The following B4GALT5 variants were observed in gnomAD, a reference collection of about 807,000 sequenced individuals.
The protein encoded by B4GALT5 is UDP-Gal:beta-GlcNAc beta-1,4-galactosyltransferase 5.
In B4GALT5, 11 loss-of-function variants were observed where a neutral mutation model predicts 45.0. The ratio of observed to expected loss-of-function variants is 0.24; its 90% CI spans 0.15 to 0.40. B4GALT5 has a LOEUF of 0.40. B4GALT5 is among the 10% of genes least tolerant of loss of function. The pLI is 1.00. For missense variants in B4GALT5, 337 were observed against 500.2 expected (o/e 0.67, Z 3.11); for synonymous variants, 185 against 182.9 (o/e 1.01, Z -0.09).
intron 1 of B4GALT5, among the ~76,000 whole-genome samples, chr20:49,691,846 T>A (rs2085813975): frequency 6.6e-6 from 1 of 152,174 alleles, no homozygotes; most frequent in South Asian, 2.1e-4. Context: ...GTATTATTTT[T>A]AAAATCCAAA....
Position 49,634,168 on chromosome 20 carries a change from C to T in B4GALT5, c.*2144G>A, listed in dbSNP as rs1011171713. On this transcript the variant is annotated 3_prime_UTR_variant, in exon 9 of 9. Transcript: ENST00000371711. ...AATGCAATTTATTTTCTAAATACCA[C>T]TCTATTCTTCAAAAGAACAAAAACA... is the stretch of plus-strand genomic sequence containing the variant. The T allele has an allele frequency of 6.6e-6, 1 of 152,608 alleles. No individual in the cohort carries two copies. The highest frequency in any genetic ancestry group is 1.5e-5 in the Non-Finnish European group (1 of 68,046). 9.5% of individuals were successfully genotyped at this position (152,608 alleles called of 1,614,324 possible).
chr20:49,669,266 C>G (rs1333090140), intron 1 of B4GALT5, among the ~76,000 whole-genome samples: 1 of 152,150 alleles, frequency 6.6e-6, no homozygotes, highest in African/African-American at 2.4e-5. Flanking sequence ...ACTGATACAC[C>G]AACTTCTATC....
intron 1 of B4GALT5, among the ~76,000 whole-genome samples, chr20:49,704,142 T>C (rs2085874377): frequency 6.6e-6 from 1 of 152,170 alleles, no homozygotes; most frequent in African/African-American, 2.4e-5. Flanking sequence ...TGATCAGGAA[T>C]ACAATTTAGG....
chr20:49,640,141 C>T (rs2085570161), intron 6 of B4GALT5, among the ~76,000 whole-genome samples: 1 of 152,214 alleles, frequency 6.6e-6, no homozygotes, highest in Admixed American at 6.5e-5. Flanking sequence ...CCCTGCTCCT[C>T]CTATCCTCCT....
At position 49,647,039 on chromosome 20, in the gene B4GALT5, T is replaced by A; in HGVS notation, c.290A>T (p.Gln97Leu). The change falls in exon 3 of 9, where the codon CAA becomes CTA. Residue 97 changes from glutamine to leucine, a missense_variant. Physicochemically the swap from Gln to Leu is moderately radical, Grantham distance 113. Transcript: ENST00000371711. ...LDLNHSETFLQTTTFLPEDFT... is the reference protein window; with the variant it reads ...LDLNHSETFLLTTTFLPEDFT... ...GTCTTCAGGAAGAAATGTTGTAGTT[T>A]GCAGGAAGGTTTCACTGTGGTTCAA... is the stretch of plus-strand genomic sequence containing the variant. The A allele has an allele frequency of 6.2e-7, 1 of 1,614,004 alleles. No homozygotes were observed. The highest frequency in any genetic ancestry group is 8.5e-7 in the Non-Finnish European group (1 of 1,179,922).
chr20:49,703,618 G>A (rs1401715217), intron 1 of B4GALT5, among the ~76,000 whole-genome samples: 3 of 152,024 alleles, frequency 2.0e-5, no homozygotes, highest in East Asian at 3.8e-4. Context: ...GCCGGGCATG[G>A]TGGCTCAAGC....
At chr20:49,647,767 T>C (rs2085605158) in intron 2 of B4GALT5, among the ~76,000 whole-genome samples, 1 of 152,146 alleles carries the variant, frequency 6.6e-6, no homozygotes, top group African/African-American at 2.4e-5. Flanking sequence ...ATACATTAGG[T>C]ATTCTCTCAA....
chr20:49,690,336 G>T (rs987498862), intron 1 of B4GALT5, among the ~76,000 whole-genome samples: 1 of 152,030 alleles, frequency 6.6e-6, no homozygotes, highest in Admixed American at 6.6e-5. Context: ...ACGGCACTTT[G>T]AACAATCTTC....
In B4GALT5 at chr20:49,705,588, G is replaced by A. The variant is rs545731182; in HGVS notation, c.115+7988C>T. On this transcript the variant is annotated intron_variant, in intron 1 of 8. Transcript: ENST00000371711. Reference sequence around the variant, plus strand: ...ACACAAGCATGTCACCATTCTCACCGCAGCAGTCTGGGGAGGAGATGAAGT... The same window carrying A: ...ACACAAGCATGTCACCATTCTCACCACAGCAGTCTGGGGAGGAGATGAAGT... Among the ~76,000 whole-genome samples, 24 of 152,280 alleles carry A rather than the reference G, an allele frequency of 1.6e-4. No homozygotes were observed. The East Asian group carries it at 4.1e-3, about 26-fold the overall frequency.
rs372094412 is a variant in B4GALT5, at chr20:49,639,686, G to A, written c.909C>T (p.Leu303=). ...FWGWGGEDDD[L]WNRVQNAGYS... ...AAGAACGGCAGAGGTACCTGTTCCAGAGGTCGTCATCTTCTCCACCCCAAC... is the reference window on the plus strand; with the variant it reads ...AAGAACGGCAGAGGTACCTGTTCCAAAGGTCGTCATCTTCTCCACCCCAAC... Residue 303 remains leucine (L), a synonymous_variant, in exon 7 of 9, where the codon CTC becomes CTT. Coordinates refer to ENST00000371711, the MANE Select transcript of B4GALT5 (RefSeq NM_004776.4). 4 of 1,613,424 alleles carry A rather than the reference G, an allele frequency of 2.5e-6. No homozygotes were observed. The highest frequency in any genetic ancestry group is 1.3e-5 in the African/African-American group (1 of 74,888).
chr20:49,682,617 A>G (rs1269708963), intron 1 of B4GALT5, among the ~76,000 whole-genome samples: 1 of 152,064 alleles, frequency 6.6e-6, no homozygotes, highest in African/African-American at 2.4e-5. Context: ...TCATCACAAT[A>G]TATTTAAAAT....
In B4GALT5 at chr20:49,635,615, G is replaced by A. The variant is rs2085549251; in HGVS notation, c.*697C>T. 6.6e-6 allele frequency: 1 copy of A among 152,452 alleles called. No homozygotes were observed. The highest frequency in any genetic ancestry group is 2.4e-5 in the African/African-American group (1 of 41,390). The allele number at this position is 152,452 out of a possible 1,614,324, so 9.4% of individuals were successfully genotyped here. A position where few individuals can be genotyped will look rare whatever the true frequency, so the allele number is the denominator to read the frequency against. On this transcript the variant is annotated 3_prime_UTR_variant, in exon 9 of 9. Coordinates refer to ENST00000371711, the MANE Select transcript of B4GALT5 (RefSeq NM_004776.4). ...CCTGCACTTGCCAACCAAGTAAGTG[G>A]CCTAATACATAAATCCTCAATTTGA...
At chr20:49,687,083 A>C (rs2085789193) in intron 1 of B4GALT5, among the ~76,000 whole-genome samples, 1 of 152,084 alleles carries the variant, frequency 6.6e-6, no homozygotes, top group African/African-American at 2.4e-5. Context: ...ATTTGGCAGT[A>C]TCTGGGGGCA....
chr20:49,649,450 C>T (rs553954408), intron 2 of B4GALT5, among the ~76,000 whole-genome samples: 29 of 151,968 alleles, frequency 1.9e-4, no homozygotes, highest in African/African-American at 6.8e-4. Flanking sequence ...CCTGGTGGTG[C>T]GCGCCTGTGG....
chr20:49,713,752 C>G lies in B4GALT5; in HGVS notation c.-62G>C. The G allele has an allele frequency of 1.8e-6, 1 of 565,328 alleles. No individual in the cohort carries two copies. Among genetic ancestry groups the G allele is most frequent in the Non-Finnish European group, 2.5e-6 (1 of 404,988 alleles). The allele number at this position is 565,328 out of a possible 1,614,324, so 35.0% of individuals were successfully genotyped here. ...CCTGCTCCCGCAGCTCCCCGTCCGCCGCCTCCTGGGCCGCCGCCGCCACCG... is the reference window on the plus strand; with the variant it reads ...CCTGCTCCCGCAGCTCCCCGTCCGCGGCCTCCTGGGCCGCCGCCGCCACCG... On this transcript the variant is annotated 5_prime_UTR_variant, in exon 1 of 9. Transcript: ENST00000371711.
At chr20:49,654,665 T>G (rs925830292) in intron 2 of B4GALT5, among the ~76,000 whole-genome samples, 23 of 152,330 alleles carry the variant, frequency 1.5e-4, no homozygotes, top group African/African-American at 5.3e-4. Flanking sequence ...AATTCGCATT[T>G]GCAACATTTG....
intron 1 of B4GALT5, among the ~76,000 whole-genome samples, chr20:49,700,582 G>A (rs1312790538): frequency 6.6e-6 from 1 of 152,204 alleles, no homozygotes; most frequent in Non-Finnish European, 1.5e-5. Flanking sequence ...TTACAGGCAT[G>A]AGCCACCACA....
intron 1 of B4GALT5, among the ~76,000 whole-genome samples, chr20:49,709,118 A>T (rs752350797): frequency 6.6e-6 from 1 of 152,110 alleles, no homozygotes; most frequent in East Asian, 1.9e-4. Flanking sequence ...ATATTTATAA[A>T]TAGCTCGCTT....
intron 1 of B4GALT5, among the ~76,000 whole-genome samples, chr20:49,676,605 A>G (rs1005318257): frequency 1.3e-5 from 2 of 152,314 alleles, no homozygotes; most frequent in Admixed American, 1.3e-4. Context: ...TTCCTTCCGT[A>G]AGAAGGCCCA....
Sources: allele counts gnomAD v4.1 joint callset (sites outside exome capture counted in the v4.1 genomes callset), GRCh38; gene constraint gnomAD v4.1.1; transcripts MANE v1.5; gene names NCBI Gene and HGNC (gene_info 2026-07-23, HGNC 2026-07-21).